Variants in NRG3 observed in about 807,000 individuals in gnomAD.
NRG3 encodes the protein pro-neuregulin-3, membrane-bound isoform.
In NRG3, 31 loss-of-function variants were observed where a neutral mutation model predicts 66.9. That is an observed-to-expected ratio of 0.46 (90% CI 0.35 to 0.63). The LOEUF (loss-of-function observed/expected upper bound fraction) is 0.63, where lower values mean the gene tolerates loss of function less well. Ranked by LOEUF, NRG3 falls within the 20% of genes least tolerant of loss-of-function variation. The pLI is 0.00. For missense variants in NRG3, 910 were observed against 878.9 expected, an observed-to-expected ratio of 1.04 and a Z score of -0.45; for synonymous variants, 393 against 359.4, an observed-to-expected ratio of 1.09 and a Z score of -1.06.
At chr10:82,265,180 C>T (rs966852420) in intron 1 of NRG3, among the ~76,000 whole-genome samples, 2 of 152,130 alleles carry the variant, frequency 1.3e-5, no homozygotes, top group African/African-American at 4.8e-5. Context: ...CACTTGAGGG[C>T]TCTAATTATA....
At chr10:82,304,910 A>G (rs2080625995) in intron 1 of NRG3, among the ~76,000 whole-genome samples, 1 of 151,792 alleles carries the variant, frequency 6.6e-6, no homozygotes, top group Admixed American at 6.6e-5. Context: ...CTATCTTAAA[A>G]TATTGACTAT....
intron 2 of NRG3, among the ~76,000 whole-genome samples, chr10:82,721,851 G>A (rs144290762): frequency 1.2e-4 from 18 of 151,806 alleles, no homozygotes; most frequent in Middle Eastern, 3.4e-3. Context: ...GTTTCCACAT[G>A]ACATTCAGAT....
At chr10:82,307,719 G>A (rs917688227) in intron 1 of NRG3, among the ~76,000 whole-genome samples, 5 of 150,088 alleles carry the variant, frequency 3.3e-5, no homozygotes, top group Admixed American at 6.6e-5. Flanking sequence ...GTAATTGCAG[G>A]TTTTGCCATG....
chr10:82,506,265 A>G (rs1227608297), intron 2 of NRG3, among the ~76,000 whole-genome samples: 1 of 152,174 alleles, frequency 6.6e-6, no homozygotes, highest in Non-Finnish European at 1.5e-5. Flanking sequence ...GAACAACAAC[A>G]AAACAAGAGA....
At chr10:82,356,816 C>T (rs1213811153) in intron 1 of NRG3, among the ~76,000 whole-genome samples, 1 of 152,034 alleles carries the variant, frequency 6.6e-6, no homozygotes, top group Admixed American at 6.6e-5. Flanking sequence ...TCACTTTTTG[C>T]TGTACAAAAT....
chr10:82,055,248 G>A (rs2063780650), intron 1 of NRG3, among the ~76,000 whole-genome samples: 1 of 152,000 alleles, frequency 6.6e-6, no homozygotes, highest in Non-Finnish European at 1.5e-5. Flanking sequence ...GGAGGCCGAG[G>A]CGAGCAGATC....
Position 82,979,105 on chromosome 10 carries a change from C to T in NRG3, c.1568C>T (p.Thr523Met), listed in dbSNP as rs1852589548. ...LEESRIPDQDTIPCQGYSSSG... is the reference protein window; with the variant it reads ...LEESRIPDQDMIPCQGYSSSG... ...GAATCAAGGATCCCAGACCAGGATA[C>T]GATACCTTGCCAAGGGTAGGTCTTA... is the stretch of plus-strand genomic sequence containing the variant. Residue 523 changes from threonine (T) to methionine (M), a missense_variant, in exon 8 of 9, where the codon ACG becomes ATG. Transcript: ENST00000372141. 1.2e-6 allele frequency: 2 copies of T among 1,613,882 alleles called. No homozygotes were observed. The highest frequency in any genetic ancestry group is 1.7e-4 in the Middle Eastern group (1 of 6,058).
Position 82,699,957 on chromosome 10 carries a change from AAAT to A in NRG3, c.954-38613_954-38611del, listed in dbSNP as rs377485142. Among the ~76,000 whole-genome samples, 13 of 152,212 alleles carry A rather than the reference AAAT, an allele frequency of 8.5e-5. No homozygotes were observed. In the East Asian group the frequency reaches 2.5e-3, roughly 29 times the overall value. On this transcript the variant is annotated intron_variant, in intron 2 of 8. Coordinates refer to ENST00000372141, the MANE Select transcript of NRG3 (RefSeq NM_001010848.4). ...TGGTCTATGCATTGACTCAGATACA[AAAT>A]AATAATTCAGGAAAAAGAAAGGTAT...
intron 1 of NRG3, among the ~76,000 whole-genome samples, chr10:82,341,378 T>C (rs1008086963): frequency 6.6e-6 from 1 of 152,088 alleles, no homozygotes; most frequent in African/African-American, 2.4e-5. Context: ...TTCCTTGCCT[T>C]TCTATGGATG....
chr10:82,070,729 C>G (rs1340494289), intron 1 of NRG3, among the ~76,000 whole-genome samples: 1 of 151,972 alleles, frequency 6.6e-6, no homozygotes, highest in Non-Finnish European at 1.5e-5. Flanking sequence ...TAAAAACTAC[C>G]AAGAAACATT....
At chr10:81,971,719 G>A (rs1820783077) in intron 1 of NRG3, among the ~76,000 whole-genome samples, 1 of 152,196 alleles carries the variant, frequency 6.6e-6, no homozygotes, top group Non-Finnish European at 1.5e-5. Flanking sequence ...GGAGAACCCA[G>A]GTGGAGCCTG....
At chr10:82,747,838 T>A (rs1445244378) in intron 3 of NRG3, among the ~76,000 whole-genome samples, 3 of 151,904 alleles carry the variant, frequency 2.0e-5, no homozygotes, top group Non-Finnish European at 2.9e-5. Context: ...AGGTATTTTT[T>A]AAAAAGTAGT....
At chr10:82,949,877 A>C (rs575407776) in intron 4 of NRG3, among the ~76,000 whole-genome samples, 1 of 152,118 alleles carries the variant, frequency 6.6e-6, no homozygotes, top group Non-Finnish European at 1.5e-5. Context: ...AAAACCAAAA[A>C]AAAAACCAAA....
intron 1 of NRG3, among the ~76,000 whole-genome samples, chr10:82,205,787 A>G (rs1261454204): frequency 6.6e-6 from 1 of 152,208 alleles, no homozygotes; most frequent in Non-Finnish European, 1.5e-5. Context: ...TGAACAGTCT[A>G]CTTGCTACCT....
intron 2 of NRG3, among the ~76,000 whole-genome samples, chr10:82,547,750 A>C (rs945888622): frequency 1.3e-5 from 2 of 152,010 alleles, no homozygotes; most frequent in African/African-American, 4.8e-5. Flanking sequence ...GTTCTCCCTC[A>C]GCTCCAACAT....
chr10:82,822,913 A>C (rs1181660966), intron 3 of NRG3, among the ~76,000 whole-genome samples: 2 of 152,110 alleles, frequency 1.3e-5, no homozygotes, highest in East Asian at 1.9e-4. Context: ...AAGCCATTTA[A>C]TCTCCTCAGT....
chr10:82,492,249 A>C (rs185359803), intron 2 of NRG3, among the ~76,000 whole-genome samples: 3 of 152,350 alleles, frequency 2.0e-5, no homozygotes, highest in Admixed American at 2.0e-4. Flanking sequence ...ATAGCATTAC[A>C]TGGTGATCCT....
At chr10:82,654,270 G>T (rs538577066) in intron 2 of NRG3, among the ~76,000 whole-genome samples, 5 of 152,022 alleles carry the variant, frequency 3.3e-5, no homozygotes, top group African/African-American at 7.3e-5. Flanking sequence ...AGGCTTTTTG[G>T]CAGGTAGTTA....
intron 3 of NRG3, among the ~76,000 whole-genome samples, chr10:82,861,865 C>T (rs1330425684): frequency 1.3e-5 from 2 of 152,198 alleles, no homozygotes; most frequent in Admixed American, 1.3e-4. Context: ...CTGCAACCTC[C>T]TCTTCTGTCT....
Sources: allele counts gnomAD v4.1 joint callset (sites outside exome capture counted in the v4.1 genomes callset), GRCh38; gene constraint gnomAD v4.1.1; transcripts MANE v1.5; gene names NCBI Gene and HGNC (gene_info 2026-07-23, HGNC 2026-07-21).